Variants in TMEM132B observed in about 807,000 individuals in gnomAD.
TMEM132B encodes the protein transmembrane protein 132B.
Under a neutral mutation model 90.8 loss-of-function variants are expected in TMEM132B, and 18 were observed. The observed-to-expected ratio is 0.20, with a 90% CI of 0.14 to 0.29. The LOEUF (loss-of-function observed/expected upper bound fraction) is 0.29, where lower values mean the gene tolerates loss of function less well. TMEM132B is among the 10% of genes least tolerant of loss of function. The probability of loss-of-function intolerance (pLI) is 1.00; values close to 1 mark genes in which losing one functional copy is unlikely to be tolerated. For missense variants in TMEM132B, 1,096 were observed against 1,326.8 expected (o/e 0.83, Z 2.70); for synonymous variants, 504 against 523.3 (o/e 0.96, Z 0.50).
Position 125,658,496 on chromosome 12 carries a change from A to C in TMEM132B, c.*3786A>C, listed in dbSNP as rs1887125799. 1 of 152,196 alleles carries C rather than the reference A, an allele frequency of 6.6e-6. No individual in the cohort carries two copies. The highest frequency in any genetic ancestry group is 6.5e-5 in the Admixed American group (1 of 15,284). The allele number at this position is 152,196 out of a possible 1,614,324, so 9.4% of individuals were successfully genotyped here. A position where few individuals can be genotyped will look rare whatever the true frequency, so the allele number is the denominator to read the frequency against. ...ACTCGAGTTACCTAAAAATGGTCTCAATTTTCCATTTCATTCTCTGTAAAT... is the reference window on the plus strand; with the variant it reads ...ACTCGAGTTACCTAAAAATGGTCTCCATTTTCCATTTCATTCTCTGTAAAT... On this transcript the variant is annotated 3_prime_UTR_variant, in exon 9 of 9. Transcript: ENST00000682704.
chr12:125,490,052 G>A lies in TMEM132B; in HGVS notation c.1107-29387G>A, dbSNP rs764195269. Among the ~76,000 whole-genome samples, 17 of 152,102 alleles carry A rather than the reference G, an allele frequency of 1.1e-4. No homozygotes were observed. Among genetic ancestry groups the A allele is most frequent in the Admixed American group, 3.9e-4 (6 of 15,272 alleles). ...TATTGTTTAGCTACATAAATTCCACGTATGATGTTTTAGTTATGTTGGGGG... is the reference window on the plus strand; with the variant it reads ...TATTGTTTAGCTACATAAATTCCACATATGATGTTTTAGTTATGTTGGGGG... On this transcript the variant is annotated intron_variant, in intron 3 of 8. Transcript: ENST00000682704. The surrounding 1 kb of genome is among the most constrained non-coding windows in gnomAD (Gnocchi z 4.2).
intron 2 of TMEM132B, among the ~76,000 whole-genome samples, chr12:125,412,128 C>T (rs1224158153): frequency 3.3e-5 from 5 of 152,172 alleles, no homozygotes; most frequent in Non-Finnish European, 7.3e-5. Context: ...GAGTCTCTGT[C>T]GGGATAAACC....
At chr12:125,354,925 C>G (rs1430307369) in intron 2 of TMEM132B, among the ~76,000 whole-genome samples, 1 of 152,118 alleles carries the variant, frequency 6.6e-6, no homozygotes, top group Non-Finnish European at 1.5e-5. Flanking sequence ...AAGTACTAGT[C>G]ACGTCCATGT....
intron 3 of TMEM132B, among the ~76,000 whole-genome samples, chr12:125,436,553 G>GT (rs1396247616): frequency 6.6e-6 from 1 of 152,172 alleles, no homozygotes; most frequent in African/African-American, 2.4e-5. Context: ...GGCAGAGGGC[G>GT]TGATGCATCT....
intron 1 of TMEM132B, among the ~76,000 whole-genome samples, chr12:125,192,343 T>C (rs883315): frequency 0.28 from 42,787 of 152,108 alleles, 6,384 homozygotes; most frequent in East Asian, 0.47. Flanking sequence ...ATTCAGTTCA[T>C]GGGCACTGAA....
intron 4 of TMEM132B, among the ~76,000 whole-genome samples, chr12:125,554,598 C>T (rs184359906): frequency 3.3e-5 from 5 of 151,962 alleles, no homozygotes; most frequent in African/African-American, 9.7e-5. Context: ...CTTTGCACTT[C>T]GAATGCTGTG....
At chr12:125,434,063 G>A (rs12579053) in intron 3 of TMEM132B, among the ~76,000 whole-genome samples, 2 of 152,044 alleles carry the variant, frequency 1.3e-5, no homozygotes, top group African/African-American at 4.8e-5. Context: ...TAAATTTCGC[G>A]GGGTGTTAAG....
intron 1 of TMEM132B, among the ~76,000 whole-genome samples, chr12:125,292,153 A>T (rs7137309): frequency 0.14 from 20,788 of 152,238 alleles, 1,592 homozygotes; most frequent in African/African-American, 0.2. Context: ...GGAGGTTTCA[A>T]GCAGGTAGTG....
chr12:125,555,690 G>A (rs1274816037), intron 4 of TMEM132B, among the ~76,000 whole-genome samples: 3 of 147,664 alleles, frequency 2.0e-5, no homozygotes, highest in Non-Finnish European at 4.4e-5. Context: ...TTGTGCACAT[G>A]TACCCTAGAA....
intron 1 of TMEM132B, among the ~76,000 whole-genome samples, chr12:125,207,486 T>A (rs1000581414): frequency 6.6e-6 from 1 of 152,242 alleles, no homozygotes; most frequent in African/African-American, 2.4e-5. Flanking sequence ...CTAGCTGCAC[T>A]GTTCAATATG....
intron 5 of TMEM132B, among the ~76,000 whole-genome samples, chr12:125,630,130 A>G (rs936628179): frequency 5.9e-5 from 9 of 152,078 alleles, no homozygotes; most frequent in African/African-American, 2.2e-4. Context: ...TGGTTTTGGT[A>G]TCAGGGAAAT....
intron 3 of TMEM132B, among the ~76,000 whole-genome samples, chr12:125,484,520 A>G (rs1882150170): frequency 6.6e-6 from 1 of 152,170 alleles, no homozygotes; most frequent in Non-Finnish European, 1.5e-5. Context: ...AGGCTTGGAC[A>G]AGACAGTATG....
At chr12:125,230,211 T>A (rs1041671885) in intron 1 of TMEM132B, among the ~76,000 whole-genome samples, 3 of 152,186 alleles carry the variant, frequency 2.0e-5, no homozygotes, top group African/African-American at 7.2e-5. Flanking sequence ...AATTGCTGGT[T>A]GTAGAAACTT....
intron 1 of TMEM132B, among the ~76,000 whole-genome samples, chr12:125,282,268 C>T (rs1022580370): frequency 1.1e-4 from 16 of 152,026 alleles, no homozygotes; most frequent in African/African-American, 2.9e-4. Context: ...TGCTGGATGC[C>T]GTGTGCTGCC....
chr12:125,482,345 A>C (rs920901558), intron 3 of TMEM132B, among the ~76,000 whole-genome samples: 4 of 152,228 alleles, frequency 2.6e-5, no homozygotes, highest in African/African-American at 4.8e-5. Flanking sequence ...AAATTTTTGC[A>C]ATCTACCCAT....
chr12:125,571,957 C>T (rs1304587501), intron 4 of TMEM132B, among the ~76,000 whole-genome samples: 2 of 152,178 alleles, frequency 1.3e-5, no homozygotes, highest in African/African-American at 4.8e-5. Flanking sequence ...TTTGAGGATT[C>T]AATTCAGGAT....
chr12:125,353,469 C>T (rs1362971440), intron 2 of TMEM132B, among the ~76,000 whole-genome samples: 2 of 152,210 alleles, frequency 1.3e-5, no homozygotes, highest in Non-Finnish European at 1.5e-5. Context: ...CTGGGAAAGG[C>T]ATTTCAGGCC....
chr12:125,470,920 G>A (rs546033128), intron 3 of TMEM132B, among the ~76,000 whole-genome samples: 54 of 152,342 alleles, frequency 3.5e-4, no homozygotes, highest in African/African-American at 1.3e-3. Context: ...ATCAGGCTCA[G>A]GGGAGAAAGA....
chr12:125,501,544 G>T (rs1439273032), intron 3 of TMEM132B, among the ~76,000 whole-genome samples: 2 of 148,116 alleles, frequency 1.4e-5, no homozygotes, highest in Non-Finnish European at 3.0e-5. Flanking sequence ...CCCCACCCCC[G>T]ACAGGCCCCA....
Sources: gnomAD v4.1 joint callset for allele counts (sites outside exome capture counted in the v4.1 genomes callset) on GRCh38, gnomAD v4.1.1 for gene constraint, Gnocchi (gnomAD v3.1) non-coding constraint, MANE v1.5 for transcripts, NCBI Gene and HGNC (gene_info 2026-07-23, HGNC 2026-07-21) for gene names.